Variants in TGFA observed in about 807,000 individuals in gnomAD.
The protein encoded by TGFA is transforming growth factor alpha.
TGFA carries 12 observed loss-of-function variants against 21.7 expected under a neutral mutation model. That is an observed-to-expected ratio of 0.55 (90% CI 0.35 to 0.90). The LOEUF (loss-of-function observed/expected upper bound fraction) is 0.90, where lower values mean the gene tolerates loss of function less well. TGFA is among the 40% of genes least tolerant of loss of function. The pLI is 0.01. For missense variants in TGFA, 178 were observed against 210.8 expected (o/e 0.84, Z 0.96); for synonymous variants, 79 against 88.1 (o/e 0.90, Z 0.58).
intron 1 of TGFA, among the ~76,000 whole-genome samples, chr2:70,535,944 C>T (rs1672956584): frequency 6.6e-6 from 1 of 152,188 alleles, no homozygotes; most frequent in Non-Finnish European, 1.5e-5. Flanking sequence ...ATTATCTTGA[C>T]CCTAGTAGAA....
chr2:70,493,108 G>C (rs1574100769), intron 2 of TGFA, among the ~76,000 whole-genome samples: 1 of 152,072 alleles, frequency 6.6e-6, no homozygotes, highest in African/African-American at 2.4e-5. Flanking sequence ...CTTATATATA[G>C]ATGAAAGAAT....
intron 2 of TGFA, among the ~76,000 whole-genome samples, chr2:70,492,513 C>G (rs1227385373): frequency 6.6e-6 from 1 of 152,188 alleles, no homozygotes; most frequent in Non-Finnish European, 1.5e-5. Context: ...GAAACAGAAG[C>G]AAGAGGTTAA....
At chr2:70,481,583 A>AC (rs1479262171) in intron 2 of TGFA, among the ~76,000 whole-genome samples, 73 of 152,036 alleles carry the variant, frequency 4.8e-4, no homozygotes, top group African/African-American at 1.7e-3. Flanking sequence ...AATGATCCCT[A>AC]CCTCCTGGTA....
At position 70,456,289 on chromosome 2, in the gene TGFA, G is replaced by A. The variant is rs986450074; in HGVS notation, c.365+50C>T. 10 of 1,520,084 alleles carry A rather than the reference G, an allele frequency of 6.6e-6. No individual in the cohort carries two copies. In the Admixed American group the frequency reaches 1.0e-4, roughly 15 times the overall value. The allele number at this position is 1,520,084 out of a possible 1,614,324, so 94.2% of individuals were successfully genotyped here. On this transcript the variant is annotated intron_variant, in intron 4 of 5. Transcript: ENST00000295400. ...ATCTGGATATACTGCGGATGTCCCT[G>A]GTAGGGGAGGTGGGCAGGGGACCTG...
chr2:70,465,842 C>T lies in TGFA; in HGVS notation c.95-106G>A, dbSNP rs1270758271. On this transcript the variant is annotated intron_variant, in intron 2 of 5. Transcript: ENST00000295400. The stretch of plus-strand genomic sequence containing the variant: ...AAGGTGGAGCCCCTGATGGCTGGGA[C>T]TTTGGGTTCTCACCTGGGGCACACC... The T allele has an allele frequency of 4.0e-6, 6 of 1,512,246 alleles. No homozygotes were observed. The African/African-American group carries it at 8.3e-5, about 21-fold the overall frequency. The allele number at this position is 1,512,246 out of a possible 1,614,324, so 93.7% of individuals were successfully genotyped here. A position where few individuals can be genotyped will look rare whatever the true frequency, so the allele number is the denominator to read the frequency against.
intron 3 of TGFA, among the ~76,000 whole-genome samples, chr2:70,464,818 CACACTGATCTGCAGT>C (rs1365185825): frequency 6.6e-6 from 1 of 152,158 alleles, no homozygotes; most frequent in East Asian, 1.9e-4. Context: ...CTGGTGTAGC[CACACTGATCTGCAGT>C]AGCAGATCCC....
At chr2:70,532,615 A>G (rs1254273886) in intron 1 of TGFA, among the ~76,000 whole-genome samples, 1 of 152,228 alleles carries the variant, frequency 6.6e-6, no homozygotes, top group Non-Finnish European at 1.5e-5. Context: ...ATTTACTGGG[A>G]TAAAAAACAT....
At chr2:70,515,051 A>C (rs1253268864) in intron 1 of TGFA, 139 bp from the exon 2 acceptor site, 2 of 704,632 alleles carry the variant, frequency 2.8e-6, no homozygotes, top group Non-Finnish European at 4.8e-6. Flanking sequence ...TCAGCTACAT[A>C]ATTTGTGGAT....
At chr2:70,485,865 A>C (rs1245546460) in intron 2 of TGFA, among the ~76,000 whole-genome samples, 4 of 152,196 alleles carry the variant, frequency 2.6e-5, no homozygotes, top group Non-Finnish European at 5.9e-5. Flanking sequence ...TCAGATGAAC[A>C]GTCAAGAAAG....
chr2:70,548,434 T>G (rs1553506332), intron 1 of TGFA, among the ~76,000 whole-genome samples: 1 of 152,106 alleles, frequency 6.6e-6, no homozygotes, highest in East Asian at 1.9e-4. Context: ...CATTCCAAGA[T>G]GAAAACAGGT....
intron 1 of TGFA, among the ~76,000 whole-genome samples, chr2:70,540,241 T>C (rs1268759070): frequency 6.6e-6 from 1 of 152,206 alleles, no homozygotes; most frequent in Non-Finnish European, 1.5e-5. Flanking sequence ...TCCACTGGAA[T>C]ACACTTTATC....
At chr2:70,451,582 G>A in intron 5 of TGFA, 1 of 599,146 alleles carries the variant, frequency 1.7e-6, no homozygotes, top group East Asian at 2.8e-5. Context: ...AATGTGGGTA[G>A]AGAAGAAGTG....
chr2:70,521,613 GTTTGT>G (rs1342697111), intron 1 of TGFA, among the ~76,000 whole-genome samples: 56 of 74,058 alleles, frequency 7.6e-4, no homozygotes, highest in African/African-American at 2.1e-3. Flanking sequence ...GTTGTTGTTT[GTTTGT>G]TTTTTTTTTT....
chr2:70,515,558 C>A (rs148486902), intron 1 of TGFA, among the ~76,000 whole-genome samples: 117 of 152,234 alleles, frequency 7.7e-4, no homozygotes, highest in African/African-American at 2.7e-3. Flanking sequence ...GTGGCTGTCC[C>A]AACCCAAGAT....
rs545177234 is a variant in TGFA at position 70,502,304 on chromosome 2, A to T, written c.94+12555T>A. 1.2e-4 allele frequency among the ~76,000 whole-genome samples: 18 copies of T among 152,344 alleles called. No individual in the cohort carries two copies. In the South Asian group the frequency reaches 3.3e-3, roughly 28 times the overall value. On this transcript the variant is annotated intron_variant, in intron 2 of 5. Transcript: ENST00000295400. ...TCCATGACCCTACTTCCCAACAGCC[A>T]AAGTGTGGCTTCCTTTGATCTGTTT...
intron 1 of TGFA, 147 bp downstream of exon 1, chr2:70,553,581 G>C: frequency 2.3e-6 from 3 of 1,310,446 alleles, no homozygotes; most frequent in Non-Finnish European, 2.9e-6. Flanking sequence ...GACTCCCCTT[G>C]CCTCCCAGGC....
chr2:70,491,005 A>C (rs1553497504), intron 2 of TGFA, among the ~76,000 whole-genome samples: 3 of 152,180 alleles, frequency 2.0e-5, no homozygotes, highest in African/African-American at 7.2e-5. Flanking sequence ...GGATATCACG[A>C]TATTCGGTGG....
intron 2 of TGFA, among the ~76,000 whole-genome samples, chr2:70,477,784 C>G (rs1670983086): frequency 2.0e-5 from 3 of 152,134 alleles, no homozygotes; most frequent in Middle Eastern, 3.2e-3. Context: ...TGAATAAGCA[C>G]ATGGAAAGAA....
At chr2:70,503,582 T>TAAA (rs1405451186) in intron 2 of TGFA, among the ~76,000 whole-genome samples, 1 of 142,862 alleles carries the variant, frequency 7.0e-6, no homozygotes, top group Non-Finnish European at 1.5e-5. Flanking sequence ...ATAATAATAA[T>TAAA]AAAAAAAAAA....
Sources: allele counts gnomAD v4.1 joint callset (sites outside exome capture counted in the v4.1 genomes callset), GRCh38; gene constraint gnomAD v4.1.1; transcripts MANE v1.5; gene names NCBI Gene and HGNC (gene_info 2026-07-23, HGNC 2026-07-21).